Variants in DIXDC1 observed in about 807,000 individuals in gnomAD.
DIXDC1 encodes the protein DIX domain containing 1.
A neutral mutation model predicts 103.1 loss-of-function variants in DIXDC1; 64 were observed. That is an observed-to-expected ratio of 0.62 (90% CI 0.51 to 0.76). The LOEUF is 0.76. Among genes scored for constraint, DIXDC1 ranks in the 30% least tolerant of loss-of-function variants. The pLI is 0.00. For synonymous variants in DIXDC1, 266 were observed against 298.5 expected (o/e 0.89, Z 1.12); for missense variants, 759 against 834.2 (o/e 0.91, Z 1.11).
At chr11:112,001,737 A>G (rs1424857410) in intron 17 of DIXDC1, among the ~76,000 whole-genome samples, 2 of 151,542 alleles carry the variant, frequency 1.3e-5, no homozygotes, top group Non-Finnish European at 2.9e-5. Context: ...TATACAACAG[A>G]TAAGAATTCA....
intron 7 of DIXDC1, 78 bp from the exon 8 acceptor site, chr11:111,985,154 G>A (rs1592596768): frequency 8.6e-6 from 10 of 1,160,294 alleles, no homozygotes; most frequent in African/African-American, 1.5e-5. Flanking sequence ...TTAACTTGGG[G>A]TGAGCTTACC....
chr11:111,996,141 A>AC lies in DIXDC1; in HGVS notation c.1752dup (p.Ser585LeufsTer18). 1 of 1,613,388 alleles carries AC rather than the reference A, an allele frequency of 6.2e-7. No homozygotes were observed. The highest frequency in any genetic ancestry group is 8.5e-7 in the Non-Finnish European group (1 of 1,179,670). ...GAATACCGGGAGTCCTGGCCCCCTA[A>AC]CTCAAGTAAGTACCCATTTTTGCTC... On this transcript the variant is annotated frameshift_variant, in exon 17 of 20. Transcript: ENST00000440460. LOFTEE classifies it high-confidence loss of function.
At chr11:111,935,778 G>A (rs184965166), upstream of DIXDC1, among the ~76,000 whole-genome samples, 467 of 152,318 alleles carry the variant, frequency 3.1e-3, 4 homozygotes, top group African/African-American at 0.01. Context: ...GGACTTGTGG[G>A]CTGCTCAGGT....
At position 111,959,332 on chromosome 11, in the gene DIXDC1, G is replaced by A. The variant is rs587699832; in HGVS notation, c.61-5217G>A. On this transcript the variant is annotated intron_variant, in intron 1 of 19. Transcript: ENST00000440460. ...CCCTCTTTTGGGCTCTGTGGTTCTT[G>A]GAGTCTCCAAGCTTCCAGGCGCCAC... Among the ~76,000 whole-genome samples the A allele has an allele frequency of 3.9e-5, 6 of 152,320 alleles. No individual in the cohort carries two copies. The South Asian group carries it at 1.2e-3, about 32-fold the overall frequency.
At chr11:111,937,126 C>CAG, upstream of DIXDC1, 1 of 573,318 alleles carries the variant, frequency 1.7e-6, no homozygotes, top group Non-Finnish European at 2.0e-6. Context: ...GTGCTGCGGC[C>CAG]CGGGCGGGGG....
At chr11:111,937,330 A>G, upstream of DIXDC1, 4 of 1,396,986 alleles carry the variant, frequency 2.9e-6, 1 homozygote, top group Non-Finnish European at 3.7e-6. Flanking sequence ...GAGCATGCCC[A>G]GTGCAAGCCG....
chr11:112,005,679 C>T (rs980718009), intron 17 of DIXDC1, among the ~76,000 whole-genome samples: 7 of 152,178 alleles, frequency 4.6e-5, no homozygotes, highest in African/African-American at 1.4e-4. Flanking sequence ...GTCTGGGCAG[C>T]TGGGTGACAG....
At chr11:112,015,360 TAA>T (rs1555177598) in intron 17 of DIXDC1, 1 of 152,218 alleles carries the variant, frequency 6.6e-6, no homozygotes, top group African/African-American at 2.4e-5. Flanking sequence ...TAGAATAAGT[TAA>T]GAGGAAGATC....
In DIXDC1 at chr11:111,977,426, C is replaced by T. The variant is rs1405197025; in HGVS notation, c.656+2443C>T. ...AGATGCCCCCGCCAGGGGGGATGCCCGGCACCGTGCGTCCGCGGAGGCCAA... is the reference window on the plus strand; with the variant it reads ...AGATGCCCCCGCCAGGGGGGATGCCTGGCACCGTGCGTCCGCGGAGGCCAA... On this transcript the variant is annotated intron_variant, in intron 5 of 19. Coordinates refer to ENST00000440460, the MANE Select transcript of DIXDC1 (RefSeq NM_001037954.4). This position sits in a 1 kb window ranked among gnomAD's most constrained non-coding sequence, Gnocchi z 6.1. 1.7e-6 allele frequency: 2 copies of T among 1,200,760 alleles called. No individual in the cohort carries two copies. The highest frequency in any genetic ancestry group is 2.1e-6 in the Non-Finnish European group (2 of 964,340). 74.4% of individuals were successfully genotyped at this position (1,200,760 alleles called of 1,614,324 possible).
chr11:111,949,661 G>C (rs1966711374), intron 1 of DIXDC1, among the ~76,000 whole-genome samples: 1 of 152,146 alleles, frequency 6.6e-6, no homozygotes, highest in Non-Finnish European at 1.5e-5. Context: ...TTAAGCCTTA[G>C]TCTAAGTGCT....
chr11:111,954,700 G>C (rs587752045), intron 1 of DIXDC1, among the ~76,000 whole-genome samples: 1 of 152,096 alleles, frequency 6.6e-6, no homozygotes, highest in Non-Finnish European at 1.5e-5. Context: ...TTTTTCACCA[G>C]GTATGAGTTA....
rs782574818 is a variant in DIXDC1 at position 111,995,466 on chromosome 11, G to C, written c.1591G>C (p.Asp531His). The C allele has an allele frequency of 6.2e-7, 1 of 1,613,896 alleles. No homozygotes were observed. Among genetic ancestry groups the C allele is most frequent in the Non-Finnish European group, 8.5e-7 (1 of 1,179,900 alleles). The change falls in exon 16 of 20, where the codon GAT (aspartate) becomes CAT (histidine). Residue 531 changes from aspartate to histidine, a missense_variant. Around this residue, in one of 3 missense-constraint regions of DIXDC1, gnomAD observed 657 missense variants for 727.5 expected, o/e 0.90. Transcript: ENST00000440460. ...RSLRNSFSGH[D>H]PQHHTIDSLE... ...CCTGCGCAACAGCTTCAGTGGCCAC[G>C]ATCCTCAGCACCACACTATTGACAG...
intron 9 of DIXDC1, among the ~76,000 whole-genome samples, chr11:111,988,595 AAAAATAGGGATAATTATTTAATGACAT>A (rs1860581027): frequency 1.3e-5 from 2 of 152,226 alleles, no homozygotes; most frequent in Admixed American, 1.3e-4. Context: ...GCTAAACATT[AAAAATAGGGATAATTATTTAATGACAT>A]TGGGGGTAGG....
In DIXDC1 at chr11:112,019,131, T is replaced by C; in HGVS notation, c.*95T>C. On this transcript the variant is annotated 3_prime_UTR_variant, in exon 20 of 20. Transcript: ENST00000440460. ...TAAAACCAGAATACACTAAGAAGTTTCTAGTTTGTGTGCCAAAACAGAAGC... is the reference window on the plus strand; with the variant it reads ...TAAAACCAGAATACACTAAGAAGTTCCTAGTTTGTGTGCCAAAACAGAAGC... 9.2e-7 allele frequency: 1 copy of C among 1,081,558 alleles called. No individual in the cohort carries two copies. Among genetic ancestry groups the C allele is most frequent in the Non-Finnish European group, 1.4e-6 (1 of 735,710 alleles). 67.0% of individuals were successfully genotyped at this position (1,081,558 alleles called of 1,614,324 possible). A position where few individuals can be genotyped will look rare whatever the true frequency, so the allele number is the denominator to read the frequency against.
intron 17 of DIXDC1, among the ~76,000 whole-genome samples, chr11:112,004,545 C>T (rs1166197942): frequency 2.0e-5 from 3 of 152,116 alleles, no homozygotes; most frequent in Admixed American, 1.3e-4. Context: ...TGAGAAAACC[C>T]CACTTAAAAA....
At position 112,017,679 on chromosome 11, in the gene DIXDC1, C is replaced by A; in HGVS notation, c.1863-98C>A. ...GTGACCTAACAAGGGGCTATTTCTGCTTATTGACTTTGGCAGGGGGCTGTG... is the reference window on the plus strand; with the variant it reads ...GTGACCTAACAAGGGGCTATTTCTGATTATTGACTTTGGCAGGGGGCTGTG... On this transcript the variant is annotated intron_variant, in intron 18 of 19. Transcript: ENST00000440460. The surrounding 1 kb of genome is among the most constrained non-coding windows in gnomAD (Gnocchi z 4.0). The A allele has an allele frequency of 1.0e-6, 1 of 970,876 alleles. No homozygotes were observed. Among genetic ancestry groups the A allele is most frequent in the Non-Finnish European group, 1.6e-6 (1 of 643,468 alleles). 60.1% of individuals were successfully genotyped at this position (970,876 alleles called of 1,614,324 possible).
At chr11:111,971,760 C>CT (rs1555172089) in intron 3 of DIXDC1, among the ~76,000 whole-genome samples, 11 of 150,896 alleles carry the variant, frequency 7.3e-5, no homozygotes, top group African/African-American at 2.7e-4. Flanking sequence ...ATATCTATAT[C>CT]TATATACACC....
At chr11:111,941,130 G>C (rs1966403318) in intron 1 of DIXDC1, among the ~76,000 whole-genome samples, 2 of 152,176 alleles carry the variant, frequency 1.3e-5, no homozygotes, top group Non-Finnish European at 2.9e-5. Context: ...TAAAAAAAGA[G>C]ACAGGCTGGG....
intron 1 of DIXDC1, among the ~76,000 whole-genome samples, chr11:111,951,811 G>T (rs587742642): frequency 6.6e-6 from 1 of 151,624 alleles, no homozygotes; most frequent in East Asian, 1.9e-4. Flanking sequence ...GCTCCTCCTT[G>T]CCTTCTGCCA....
Sources: allele counts gnomAD v4.1 joint callset (sites outside exome capture counted in the v4.1 genomes callset), GRCh38; gene constraint gnomAD v4.1.1; regional missense constraint gnomAD v4.1.1; non-coding constraint Gnocchi (gnomAD v3.1); transcripts MANE v1.5; gene names NCBI Gene and HGNC (gene_info 2026-07-23, HGNC 2026-07-21).